The following TMEM135 variants were observed in gnomAD, a reference collection of about 807,000 sequenced individuals.
TMEM135 encodes the protein peroxisomal membrane protein 52.
TMEM135 carries 30 observed loss-of-function variants against 60.3 expected under a neutral mutation model. The ratio of observed to expected loss-of-function variants is 0.50; its 90% confidence interval spans 0.37 to 0.68. The LOEUF (loss-of-function observed/expected upper bound fraction) is 0.68, where lower values mean the gene tolerates loss of function less well. Ranked by LOEUF, TMEM135 falls within the 30% of genes least tolerant of loss-of-function variation. The probability of loss-of-function intolerance (pLI) is 0.00; values close to 1 mark genes in which losing one functional copy is unlikely to be tolerated. For synonymous variants in TMEM135, 190 were observed against 186.7 expected (o/e 1.02, Z -0.14); for missense variants, 468 against 548.8 (o/e 0.85, Z 1.47).
chr11:87,261,337 T>C (rs1311427529), intron 6 of TMEM135, among the ~76,000 whole-genome samples: 1 of 152,202 alleles, frequency 6.6e-6, no homozygotes, highest in Non-Finnish European at 1.5e-5. Context: ...ACAAATCTTC[T>C]ATGTGGGTTA....
chr11:87,258,966 C>G (rs1254776733), intron 6 of TMEM135: 2 of 1,520,708 alleles, frequency 1.3e-6, no homozygotes, highest in African/African-American at 2.7e-5. Flanking sequence ...TTTGCATCTT[C>G]TCAGTCTCAA....
chr11:87,080,755 C>T (rs905697586), intron 3 of TMEM135, among the ~76,000 whole-genome samples: 7 of 152,090 alleles, frequency 4.6e-5, no homozygotes, highest in Admixed American at 2.6e-4. Flanking sequence ...GGCATGATGT[C>T]GGCTCACTGC....
chr11:87,163,697 C>G (rs1938955489), intron 5 of TMEM135, among the ~76,000 whole-genome samples: 1 of 149,926 alleles, frequency 6.7e-6, no homozygotes, highest in Non-Finnish European at 1.5e-5. Flanking sequence ...TCTCCAGCAC[C>G]TGTTGTTTCC....
rs118034528 is a variant in TMEM135, at chr11:87,114,698, G to A, written c.396+23303G>A. 5.5e-4 allele frequency among the ~76,000 whole-genome samples: 84 copies of A among 152,188 alleles called. 1 individual carries two copies. In the East Asian group the frequency reaches 0.014, roughly 25 times the overall value. On this transcript the variant is annotated intron_variant, in intron 4 of 14. Coordinates refer to ENST00000305494, the MANE Select transcript of TMEM135 (RefSeq NM_022918.4). ...TTGAGCTGCATATGTTGGAAAAATG[G>A]ACTACATTATAACAGTTAAGCTGCT...
chr11:87,116,555 C>G (rs1232061282), intron 4 of TMEM135, among the ~76,000 whole-genome samples: 1 of 143,064 alleles, frequency 7.0e-6, no homozygotes, highest in East Asian at 2.2e-4. Context: ...AATTAGCTGT[C>G]TTAATAGGAT....
At chr11:87,061,923 G>A (rs1292302706) in intron 1 of TMEM135, among the ~76,000 whole-genome samples, 2 of 152,126 alleles carry the variant, frequency 1.3e-5, no homozygotes, top group Admixed American at 6.6e-5. Context: ...CCATACTTGC[G>A]TTTAATCAAC....
At chr11:87,083,628 T>A (rs1047630012) in intron 3 of TMEM135, among the ~76,000 whole-genome samples, 5 of 152,186 alleles carry the variant, frequency 3.3e-5, no homozygotes, top group Non-Finnish European at 7.4e-5. Flanking sequence ...TGTAAGTTCT[T>A]GGTATCTTCA....
intron 4 of TMEM135, among the ~76,000 whole-genome samples, chr11:87,138,924 A>G (rs1246786022): frequency 6.6e-6 from 1 of 152,200 alleles, no homozygotes; most frequent in East Asian, 1.9e-4. Context: ...TATGGAATGC[A>G]GGGTTTTCAT....
chr11:87,195,220 CCT>C (rs749532289), intron 5 of TMEM135, among the ~76,000 whole-genome samples: 1 of 151,596 alleles, frequency 6.6e-6, no homozygotes, highest in Non-Finnish European at 1.5e-5. Context: ...TTCCTTCTCC[CCT>C]GTCTTCTTTT....
intron 6 of TMEM135, among the ~76,000 whole-genome samples, chr11:87,246,655 G>T (rs1299586572): frequency 1.3e-5 from 2 of 149,286 alleles, no homozygotes; most frequent in East Asian, 3.9e-4. Context: ...GGCTCCTGAG[G>T]CTTCTGCATT....
chr11:87,299,790 G>A lies in TMEM135; in HGVS notation c.552-2506G>A, dbSNP rs181831697. On this transcript the variant is annotated intron_variant, in intron 7 of 14. Coordinates refer to ENST00000305494, the MANE Select transcript of TMEM135 (RefSeq NM_022918.4). The stretch of plus-strand genomic sequence containing the variant: ...ATATTTTAGGCAAACCTTACCTAGC[G>A]TCTTTCCCCAAGCTGTGGATAGGAG... Among the ~76,000 whole-genome samples, 1,127 of 152,254 alleles carry A rather than the reference G, an allele frequency of 7.4e-3. 7 individuals carry two copies. Among genetic ancestry groups the A allele is most frequent in the Admixed American group, 0.012 (187 of 15,288 alleles).
At chr11:87,110,443 G>T (rs146529176) in intron 4 of TMEM135, among the ~76,000 whole-genome samples, 1 of 150,162 alleles carries the variant, frequency 6.7e-6, no homozygotes, top group African/African-American at 2.5e-5. Context: ...CACAGAGTGA[G>T]AACCTGTCTT....
chr11:87,045,696 T>A (rs1949789886), intron 1 of TMEM135, among the ~76,000 whole-genome samples: 1 of 152,250 alleles, frequency 6.6e-6, no homozygotes, highest in Non-Finnish European at 1.5e-5. Flanking sequence ...TTAGTCTGAA[T>A]AATCAGGCCT....
chr11:87,153,075 T>A (rs1388498072), intron 4 of TMEM135, among the ~76,000 whole-genome samples: 1 of 152,246 alleles, frequency 6.6e-6, no homozygotes, highest in Non-Finnish European at 1.5e-5. Context: ...AATTCCGTGA[T>A]GTTTCTAAGT....
intron 5 of TMEM135, among the ~76,000 whole-genome samples, chr11:87,228,550 T>C (rs7113929): frequency 0.035 from 5,390 of 152,256 alleles, 287 homozygotes; most frequent in African/African-American, 0.11. Flanking sequence ...AGGATCTTAA[T>C]GAATACGGGG....
At chr11:87,294,271 A>T (rs1452324722) in intron 6 of TMEM135, among the ~76,000 whole-genome samples, 2 of 152,208 alleles carry the variant, frequency 1.3e-5, no homozygotes, top group Non-Finnish European at 2.9e-5. Context: ...ACTGCATCTA[A>T]TAAAAATGTA....
chr11:87,089,746 T>C (rs990347282), intron 3 of TMEM135, among the ~76,000 whole-genome samples: 1 of 152,184 alleles, frequency 6.6e-6, no homozygotes, highest in African/African-American at 2.4e-5. Context: ...ACCCTAATTT[T>C]TCTCAGTATA....
At chr11:87,195,861 T>A (rs1204506673) in intron 5 of TMEM135, among the ~76,000 whole-genome samples, 1 of 152,212 alleles carries the variant, frequency 6.6e-6, no homozygotes, top group African/African-American at 2.4e-5. Context: ...GAAAAGCATT[T>A]GGGTAATAGT....
At chr11:87,279,497 A>G (rs1942022744) in intron 6 of TMEM135, among the ~76,000 whole-genome samples, 1 of 152,324 alleles carries the variant, frequency 6.6e-6, no homozygotes, top group South Asian at 2.1e-4. Context: ...TTAGTACAAT[A>G]ATCACATGAT....
Sources: allele counts gnomAD v4.1 joint callset (sites outside exome capture counted in the v4.1 genomes callset), GRCh38; gene constraint gnomAD v4.1.1; transcripts MANE v1.5; gene names NCBI Gene and HGNC (gene_info 2026-07-23, HGNC 2026-07-21).